The following PML variants were observed in gnomAD, a reference collection of about 807,000 sequenced individuals.
PML encodes PML nuclear body scaffold, also known as protein PML.
A neutral mutation model predicts 65.2 loss-of-function variants in PML; 28 were observed. The observed-to-expected ratio is 0.43, with a 90% CI of 0.32 to 0.59. The LOEUF (loss-of-function observed/expected upper bound fraction) is 0.59. Among genes scored for constraint, PML ranks in the 20% least tolerant of loss-of-function variants. PML has a pLI of 0.08. For synonymous variants in PML, 500 were observed against 508.8 expected (o/e 0.98, Z 0.23); for missense variants, 1,021 against 1,203.4 (o/e 0.85, Z 2.24).
At chr15:74,032,403 T>G in intron 4 of PML, 169 bp from the exon 5 acceptor site, 1 of 689,042 alleles carries the variant, frequency 1.5e-6, no homozygotes, top group Non-Finnish European at 2.5e-6. Context: ...GGTGATGTGA[T>G]GGAGAGTTTG....
chr15:74,007,290 C>G (rs1441349093), intron 2 of PML, among the ~76,000 whole-genome samples: 1 of 152,104 alleles, frequency 6.6e-6, no homozygotes, highest in Admixed American at 6.5e-5. Context: ...GCCTGCAGCT[C>G]AAAACAATCA....
rs2071391598 is a variant in PML, at chr15:74,033,050, G to A, written c.1399-106G>A. 8 of 1,217,216 alleles carry A rather than the reference G, an allele frequency of 6.6e-6. No homozygotes were observed. The Admixed American group carries it at 8.7e-5, about 13-fold the overall frequency. The allele number at this position is 1,217,216 out of a possible 1,614,324, so 75.4% of individuals were successfully genotyped here. A position where few individuals can be genotyped will look rare whatever the true frequency, so the allele number is the denominator to read the frequency against. ...GCGTGGTTGAGAGCAGAGGAGAGGG[G>A]ACAGCAGGAGCAAAAGGGTGGCCAC... On this transcript the variant is annotated intron_variant, in intron 5 of 8. Transcript: ENST00000268058.
intron 4 of PML, among the ~76,000 whole-genome samples, chr15:74,030,747 C>T (rs1294834887): frequency 1.3e-5 from 2 of 152,258 alleles, no homozygotes; most frequent in East Asian, 3.9e-4. Context: ...TCACCTCTCT[C>T]TGCCTCCGTT....
intron 4 of PML, 197 bp from the exon 5 acceptor site, chr15:74,032,375 A>T (rs1364739951): frequency 1.6e-5 from 10 of 620,522 alleles, no homozygotes; most frequent in Admixed American, 2.9e-5. Context: ...CTACAAAAAA[A>T]TTTTTTTAAA....
intron 4 of PML, among the ~76,000 whole-genome samples, chr15:74,030,032 G>A (rs1177356817): frequency 3.3e-5 from 5 of 152,140 alleles, no homozygotes; most frequent in South Asian, 2.1e-4. Flanking sequence ...GACCCACCGC[G>A]GGGTTCTGGT....
At chr15:74,029,154 C>T (rs573910356) in intron 4 of PML, among the ~76,000 whole-genome samples, 1 of 152,166 alleles carries the variant, frequency 6.6e-6, no homozygotes, top group Admixed American at 6.5e-5. Flanking sequence ...TCTCTACAGC[C>T]TCACCAACAT....
rs1306710192 is a variant in PML, at chr15:74,043,483, G to A, written c.1861+344G>A. The A allele has an allele frequency of 3.9e-6, 4 of 1,036,384 alleles. No homozygotes were observed. The East Asian group carries it at 1.0e-4, about 26-fold the overall frequency. 64.2% of individuals were successfully genotyped at this position (1,036,384 alleles called of 1,614,324 possible). On this transcript the variant is annotated intron_variant, in intron 8 of 8. Coordinates refer to ENST00000268058, the MANE Select transcript of PML (RefSeq NM_033238.3). This position sits in a 1 kb window ranked among gnomAD's most constrained non-coding sequence, Gnocchi z 4.3. ...CATTGCCGTGAGCCCTGTCATCCAA[G>A]TAAGGCCTCTGGCTGTGCTACACGT...
intron 2 of PML, among the ~76,000 whole-genome samples, chr15:74,016,882 C>T (rs908681310): frequency 7.1e-5 from 10 of 140,786 alleles, no homozygotes; most frequent in East Asian, 2.3e-4. Flanking sequence ...CTGCAAGCTC[C>T]GCCTCCCGGG....
Position 74,042,335 on chromosome 15 carries a change from C to G in PML, c.1711-654C>G. ...TGGGTGTCCACCTAGATGTGGCCTT[C>G]AGGAGGCCAAGCAGTCCTTCCCCTC... On this transcript the variant is annotated intron_variant, in intron 7 of 8. Coordinates refer to ENST00000268058, the MANE Select transcript of PML (RefSeq NM_033238.3). The surrounding 1 kb of genome is among the most constrained non-coding windows in gnomAD (Gnocchi z 5.3). The G allele has an allele frequency of 1.0e-6, 1 of 985,114 alleles. No individual in the cohort carries two copies. The highest frequency in any genetic ancestry group is 4.7e-5 in the South Asian group (1 of 21,284). The allele number at this position is 985,114 out of a possible 1,614,324, so 61.0% of individuals were successfully genotyped here.
chr15:74,010,585 C>T (rs1228707978), intron 2 of PML, among the ~76,000 whole-genome samples: 1 of 150,362 alleles, frequency 6.7e-6, no homozygotes, highest in African/African-American at 2.5e-5. Flanking sequence ...AAATTAAAAA[C>T]TATTAATAGA....
chr15:74,027,541 A>C (rs1362430811), intron 4 of PML: 1 of 152,240 alleles, frequency 6.6e-6, no homozygotes, highest in African/African-American at 2.4e-5. Context: ...TGACAGAGTG[A>C]GACCCTGTCT....
intron 2 of PML, among the ~76,000 whole-genome samples, chr15:74,018,516 T>TA (rs1213135500): frequency 6.6e-6 from 1 of 152,102 alleles, no homozygotes; most frequent in African/African-American, 2.4e-5. Context: ...TTTTTTAATT[T>TA]AAAAAAAGTT....
intron 2 of PML, 32 bp downstream of exon 2, chr15:73,998,508 A>G: frequency 6.4e-7 from 1 of 1,572,244 alleles, no homozygotes; most frequent in African/African-American, 1.3e-5. Flanking sequence ...GGGGTGGTGC[A>G]TCCAAGTACC....
At chr15:74,004,298 C>A (rs1443081059) in intron 2 of PML, among the ~76,000 whole-genome samples, 2 of 151,832 alleles carry the variant, frequency 1.3e-5, no homozygotes, top group Non-Finnish European at 2.9e-5. Flanking sequence ...GGATGGTTTT[C>A]ATTTGTTTAT....
rs1165322595 is a variant in PML, at chr15:74,042,911, T to C, written c.1711-78T>C. Reference sequence around the variant, plus strand: ...ATGTGCACGCAGATGCTCCCAGCTATACCAGCTTGCTAGTGTTCTGCACAG... The same window carrying C: ...ATGTGCACGCAGATGCTCCCAGCTACACCAGCTTGCTAGTGTTCTGCACAG... On this transcript the variant is annotated intron_variant, in intron 7 of 8. Coordinates refer to ENST00000268058, the MANE Select transcript of PML (RefSeq NM_033238.3). The surrounding 1 kb of genome is among the most constrained non-coding windows in gnomAD (Gnocchi z 5.3). 5 of 1,610,042 alleles carry C rather than the reference T, an allele frequency of 3.1e-6. No homozygotes were observed. The Admixed American group carries it at 8.3e-5, about 27-fold the overall frequency.
intron 2 of PML, among the ~76,000 whole-genome samples, chr15:74,006,196 G>C (rs1463005553): frequency 6.6e-6 from 1 of 152,048 alleles, no homozygotes; most frequent in Non-Finnish European, 1.5e-5. Flanking sequence ...TTCGAGACCA[G>C]CCTGGCCAAC....
rs2069596720 is a variant in PML at position 73,998,241 on chromosome 15, G to T, written c.367G>T (p.Val123Leu). The T allele has an allele frequency of 6.2e-7, 1 of 1,614,070 alleles. No individual in the cohort carries two copies. The highest frequency in any genetic ancestry group is 8.5e-7 in the Non-Finnish European group (1 of 1,180,034). Residue 123 changes from valine (V) to leucine (L), a missense_variant, in exon 2 of 9, where the codon GTG (valine) becomes TTG (leucine). Coordinates refer to ENST00000268058, the MANE Select transcript of PML (RefSeq NM_033238.3). ...QRRLSVYRQI[V>L]DAQAVCTRCK... ...GCGCCTGTCGGTGTACCGGCAGATT[G>T]TGGATGCGCAGGCTGTGTGCACCCG...
At chr15:74,008,189 A>T (rs2070154197) in intron 2 of PML, among the ~76,000 whole-genome samples, 1 of 152,218 alleles carries the variant, frequency 6.6e-6, no homozygotes, top group African/African-American at 2.4e-5. Context: ...TGCACGTGCA[A>T]GGAAGGGGCA....
chr15:74,005,066 A>G (rs1314410401), intron 2 of PML, among the ~76,000 whole-genome samples: 1 of 150,350 alleles, frequency 6.7e-6, no homozygotes, highest in Admixed American at 6.7e-5. Flanking sequence ...TTTTATTTTT[A>G]TTTTTTGAGA....
Sources: gnomAD v4.1 joint callset for allele counts (sites outside exome capture counted in the v4.1 genomes callset) on GRCh38, gnomAD v4.1.1 for gene constraint, Gnocchi (gnomAD v3.1) non-coding constraint, MANE v1.5 for transcripts, NCBI Gene and HGNC (gene_info 2026-07-23, HGNC 2026-07-21) for gene names.